The following GRAMD2B variants were observed in gnomAD, a reference collection of about 807,000 sequenced individuals.
The protein encoded by GRAMD2B is GRAM domain-containing protein 2B.
GRAMD2B carries 41 observed loss-of-function variants against 59.2 expected under a neutral mutation model. The ratio of observed to expected loss-of-function variants is 0.69; its 90% CI spans 0.54 to 0.90. The LOEUF is 0.90. Ranked by LOEUF, GRAMD2B falls within the 40% of genes least tolerant of loss-of-function variation. The pLI is 0.00. For synonymous variants in GRAMD2B, 161 were observed against 182.7 expected (o/e 0.88, Z 0.96); for missense variants, 424 against 500.5 (o/e 0.85, Z 1.46).
chr5:126,423,652 G>A lies in GRAMD2B; in HGVS notation c.46G>A (p.Val16Met), dbSNP rs1243019696. The part of the protein sequence containing the change: ...QDVEDTKPAK[V>M]LGKRESKLGS... Reference sequence around the variant, plus strand: ...TGTGGAAGACACAAAGCCTGCGAAAGTGCTCGGGAAGAGGGAGAGCAAACT... The same window carrying A: ...TGTGGAAGACACAAAGCCTGCGAAAATGCTCGGGAAGAGGGAGAGCAAACT... Residue 16 changes from valine to methionine, a missense_variant, in exon 1 of 14, where the codon GTG becomes ATG. By Grantham distance (21) the Val-to-Met change is conservative (BLOSUM62 1). Coordinates refer to ENST00000285689, the MANE Select transcript of GRAMD2B (RefSeq NM_023927.4). 1 of 1,609,488 alleles carries A rather than the reference G, an allele frequency of 6.2e-7. No individual in the cohort carries two copies. The highest frequency in any genetic ancestry group is 1.3e-5 in the African/African-American group (1 of 74,428).
chr5:126,430,155 C>T (rs1184966707), intron 1 of GRAMD2B, among the ~76,000 whole-genome samples: 1 of 152,178 alleles, frequency 6.6e-6, no homozygotes, highest in Non-Finnish European at 1.5e-5. Context: ...GCTTCTTTAT[C>T]CTTAAAGAGG....
At chr5:126,471,177 C>T (rs2126826395) in intron 3 of GRAMD2B, among the ~76,000 whole-genome samples, 1 of 152,232 alleles carries the variant, frequency 6.6e-6, no homozygotes. Context: ...GATAATAAAG[C>T]CATCCAGGGC....
intron 1 of GRAMD2B, among the ~76,000 whole-genome samples, chr5:126,374,268 G>A (rs552900733): frequency 1.3e-5 from 2 of 152,286 alleles, no homozygotes; most frequent in South Asian, 2.1e-4. Flanking sequence ...AATCTGCAAG[G>A]TGTGAAATGG....
At chr5:126,448,141 C>A (rs1282555913) in intron 1 of GRAMD2B, among the ~76,000 whole-genome samples, 2 of 152,090 alleles carry the variant, frequency 1.3e-5, no homozygotes, top group Non-Finnish European at 2.9e-5. Flanking sequence ...CAAGTGTGAG[C>A]CACAGCACCT....
chr5:126,391,790 T>C (rs1368816910), intron 1 of GRAMD2B, among the ~76,000 whole-genome samples: 3 of 152,158 alleles, frequency 2.0e-5, no homozygotes, highest in Non-Finnish European at 4.4e-5. Flanking sequence ...ACAGGGTTTT[T>C]TGGGGAGGGT....
At chr5:126,368,912 T>C (rs748770591), upstream of GRAMD2B, among the ~76,000 whole-genome samples, 1 of 152,240 alleles carries the variant, frequency 6.6e-6, no homozygotes, top group East Asian at 1.9e-4. Flanking sequence ...CATCTCATTC[T>C]GCTTCCAAAG....
At chr5:126,465,580 G>A (rs765550999) in intron 2 of GRAMD2B, 35 bp downstream of exon 2, 3 of 1,598,498 alleles carry the variant, frequency 1.9e-6, no homozygotes, top group Admixed American at 1.7e-5. Flanking sequence ...GTTCTCTTTT[G>A]TCTTTTGGGG....
intron 1 of GRAMD2B, among the ~76,000 whole-genome samples, chr5:126,408,687 C>CT (rs1223163915): frequency 2.0e-5 from 1 of 51,278 alleles, no homozygotes; most frequent in Non-Finnish European, 5.3e-5. Flanking sequence ...CTGCCTGAGA[C>CT]TCTTTTTTTT....
chr5:126,447,648 A>G (rs1764544091), intron 1 of GRAMD2B, among the ~76,000 whole-genome samples: 1 of 148,894 alleles, frequency 6.7e-6, no homozygotes, highest in Non-Finnish European at 1.5e-5. Context: ...TGGGCGACAG[A>G]GCAAGACTCC....
intron 1 of GRAMD2B, among the ~76,000 whole-genome samples, chr5:126,392,460 C>T (rs1303246677): frequency 6.6e-6 from 1 of 152,200 alleles, no homozygotes; most frequent in East Asian, 1.9e-4. Flanking sequence ...CCAGAGATGC[C>T]CATTAGCAAC....
At chr5:126,371,570 G>A (rs1400972150) in intron 1 of GRAMD2B, 11 of 1,287,760 alleles carry the variant, frequency 8.5e-6, no homozygotes, top group Non-Finnish European at 1.1e-5. Flanking sequence ...TTCCTCAGGT[G>A]GGTACAGCCT....
intron 8 of GRAMD2B, chr5:126,480,975 T>C (rs1202027847): frequency 4.1e-6 from 2 of 492,616 alleles, no homozygotes; most frequent in Non-Finnish European, 7.3e-6. Context: ...AATGCATTCA[T>C]AAAATCTTGC....
At chr5:126,447,869 T>G (rs910650412) in intron 1 of GRAMD2B, among the ~76,000 whole-genome samples, 6 of 136,144 alleles carry the variant, frequency 4.4e-5, no homozygotes, top group Non-Finnish European at 9.5e-5. Context: ...TAATTTTTTT[T>G]TTTTTTAAAA....
intron 1 of GRAMD2B, chr5:126,465,046 C>G (rs1231719602): frequency 2.0e-6 from 2 of 1,024,438 alleles, no homozygotes; most frequent in Non-Finnish European, 2.3e-6. Context: ...CAGGAAGGCT[C>G]ACACCTGCAG....
At chr5:126,402,624 G>T (rs1466830427) in intron 1 of GRAMD2B, among the ~76,000 whole-genome samples, 1 of 151,968 alleles carries the variant, frequency 6.6e-6, no homozygotes, top group African/African-American at 2.4e-5. Context: ...AAGGGTTACT[G>T]AACACCAAAC....
At chr5:126,435,945 AC>A (rs1181442274) in intron 1 of GRAMD2B, among the ~76,000 whole-genome samples, 1 of 152,144 alleles carries the variant, frequency 6.6e-6, no homozygotes, top group Non-Finnish European at 1.5e-5. Context: ...GCATCAGACA[AC>A]CCTGCTTTGC....
At chr5:126,363,906 T>C (rs1173571689) in intron 1 of GRAMD2B, among the ~76,000 whole-genome samples, 1 of 152,160 alleles carries the variant, frequency 6.6e-6, no homozygotes, top group Non-Finnish European at 1.5e-5. Flanking sequence ...ATGGTGGTGA[T>C]GGTTGCACAA....
chr5:126,363,271 G>A (rs896985371), intron 1 of GRAMD2B, among the ~76,000 whole-genome samples: 4 of 151,816 alleles, frequency 2.6e-5, no homozygotes, highest in East Asian at 1.9e-4. Context: ...ACAATGCAAC[G>A]CCACTTCATA....
At chr5:126,464,572 A>T (rs1340189412) in intron 1 of GRAMD2B, among the ~76,000 whole-genome samples, 6 of 151,982 alleles carry the variant, frequency 3.9e-5, no homozygotes, top group Admixed American at 1.3e-4. Context: ...TTCTTGACTC[A>T]CCTTCCCCTC....
Sources: allele counts gnomAD v4.1 joint callset (sites outside exome capture counted in the v4.1 genomes callset), GRCh38; gene constraint gnomAD v4.1.1; transcripts MANE v1.5; gene names NCBI Gene and HGNC (gene_info 2026-07-23, HGNC 2026-07-21).